ADGRL3: variants seen among roughly 807,000 people sequenced by gnomAD.
The protein encoded by ADGRL3 is adhesion G protein-coupled receptor L3, also known as calcium-independent alpha-latrotoxin receptor 3.
A neutral mutation model predicts 153.5 loss-of-function variants in ADGRL3; 62 were observed. The ratio of observed to expected loss-of-function variants is 0.40; its 90% CI spans 0.33 to 0.50. The LOEUF is 0.50. ADGRL3 is among the 20% of genes least tolerant of loss of function. The probability of loss-of-function intolerance (pLI) is 0.47; values close to 1 mark genes in which losing one functional copy is unlikely to be tolerated. For missense variants in ADGRL3, 1,641 were observed against 1,859.4 expected (o/e 0.88, Z 2.16); for synonymous variants, 710 against 672.5 (o/e 1.06, Z -0.86).
intron 3 of ADGRL3, among the ~76,000 whole-genome samples, chr4:61,503,674 C>A (rs990381888): frequency 1.3e-5 from 2 of 151,722 alleles, no homozygotes; most frequent in African/African-American, 4.8e-5. Flanking sequence ...CTAAGAATAG[C>A]TTTTAAATTT....
chr4:61,756,983 G>A (rs914439508), intron 8 of ADGRL3, among the ~76,000 whole-genome samples: 1 of 152,190 alleles, frequency 6.6e-6, no homozygotes, highest in Admixed American at 6.5e-5. Context: ...CTTGATCATG[G>A]TGGATAAGCT....
chr4:61,799,205 A>G (rs2097457843), intron 8 of ADGRL3, among the ~76,000 whole-genome samples: 1 of 151,612 alleles, frequency 6.6e-6, no homozygotes, highest in Admixed American at 6.6e-5. Context: ...TTTAGTAGCA[A>G]GAATGATAAC....
At chr4:61,333,313 A>C (rs1011440789) in intron 1 of ADGRL3, among the ~76,000 whole-genome samples, 1 of 152,192 alleles carries the variant, frequency 6.6e-6, no homozygotes, top group South Asian at 2.1e-4. Context: ...ACATTATTGG[A>C]ACTCTGGAAT....
At chr4:61,703,789 G>T (rs1262101490) in intron 6 of ADGRL3, among the ~76,000 whole-genome samples, 2 of 151,780 alleles carry the variant, frequency 1.3e-5, no homozygotes, top group Non-Finnish European at 2.9e-5. Flanking sequence ...TCTCCAGCAG[G>T]CTATATGATA....
At chr4:61,500,386 A>G (rs1183627698) in intron 3 of ADGRL3, among the ~76,000 whole-genome samples, 1 of 152,160 alleles carries the variant, frequency 6.6e-6, no homozygotes, top group Non-Finnish European at 1.5e-5. Context: ...GAAGGGCTTT[A>G]TAAGCAGCCT....
chr4:61,344,160 C>T (rs1004139959), intron 1 of ADGRL3, among the ~76,000 whole-genome samples: 1 of 152,252 alleles, frequency 6.6e-6, no homozygotes, highest in Admixed American at 6.5e-5. Context: ...TTATTAAGTA[C>T]GGTGTGGCAA....
chr4:61,789,220 T>A (rs2122643), intron 8 of ADGRL3, among the ~76,000 whole-genome samples: 84,878 of 152,006 alleles, frequency 0.56, 25,944 homozygotes, highest in African/African-American at 0.81. Flanking sequence ...TACCAAATTT[T>A]TGTTTTCTTG....
At chr4:61,414,009 T>TGTCATAATGA (rs2097118063) in intron 2 of ADGRL3, among the ~76,000 whole-genome samples, 1 of 152,248 alleles carries the variant, frequency 6.6e-6, no homozygotes, top group Non-Finnish European at 1.5e-5. Context: ...GTATAATTTT[T>TGTCATAATGA]CTATAGTCAT....
chr4:61,484,076 A>T (rs1174355537), intron 2 of ADGRL3, among the ~76,000 whole-genome samples: 2 of 151,840 alleles, frequency 1.3e-5, no homozygotes, highest in Non-Finnish European at 2.9e-5. Context: ...TCACTTGGAA[A>T]TTCTCCCCTC....
At chr4:61,991,059 T>C (rs1169580550) in intron 19 of ADGRL3, among the ~76,000 whole-genome samples, 1 of 151,812 alleles carries the variant, frequency 6.6e-6, no homozygotes, top group East Asian at 1.9e-4. Flanking sequence ...TATGTATATA[T>C]GTAAAATATA....
At position 61,764,703 on chromosome 4, in the gene ADGRL3, C is replaced by A. The variant is rs964497628; in HGVS notation, c.1399+31149C>A. 5.9e-5 allele frequency among the ~76,000 whole-genome samples: 9 copies of A among 152,176 alleles called. No individual in the cohort carries two copies. The Middle Eastern group carries it at 0.01, about 173-fold the overall frequency. On this transcript the variant is annotated intron_variant, in intron 8 of 26. Coordinates refer to ENST00000683033, the MANE Select transcript of ADGRL3 (RefSeq NM_001387552.1). ...GCTTGGGCCCAGAGGCCTGACATTC[C>A]TGCCTTCTTAATAAGAAAAATAAAA...
intron 15 of ADGRL3, among the ~76,000 whole-genome samples, chr4:61,937,914 GTGTTT>G (rs776322615): frequency 1.3e-3 from 204 of 152,226 alleles, no homozygotes; most frequent in African/African-American, 4.6e-3. Context: ...GTTTTTCTGT[GTGTTT>G]TGTTTTGTTT....
chr4:61,448,875 A>AAGGAAGGAAGAAGGGAGAGAGGG (rs1553932440), intron 2 of ADGRL3, among the ~76,000 whole-genome samples: 7 of 39,654 alleles, frequency 1.8e-4, no homozygotes, highest in South Asian at 1.1e-3. Context: ...GGAAGGAAGG[A>AAGGAAGGAAGAAGGGAGAGAGGG]AAGGAAGGAA....
Position 61,499,987 on chromosome 4 carries a change from GACAC to G in ADGRL3, c.55+2663_55+2666del, listed in dbSNP as rs34740052. Reference sequence around the variant, plus strand: ...TCTGCATTGAAATCACACACACACAGACACACACACACACACACACACACACATA... The same window carrying G: ...TCTGCATTGAAATCACACACACACAGACACACACACACACACACACACATA... On this transcript the variant is annotated intron_variant, in intron 3 of 26. Transcript: ENST00000683033. Among the ~76,000 whole-genome samples, 294 of 138,464 alleles carry G rather than the reference GACAC, an allele frequency of 2.1e-3. 1 individual carries two copies. Among genetic ancestry groups the G allele is most frequent in the South Asian group, 0.018 (76 of 4,278 alleles). The allele number at this position is 138,464 out of a possible 152,430, so 90.8% of individuals were successfully genotyped here. A position where few individuals can be genotyped will look rare whatever the true frequency, so the allele number is the denominator to read the frequency against.
chr4:61,497,661 G>A (rs966003661), intron 3 of ADGRL3, among the ~76,000 whole-genome samples: 44 of 148,156 alleles, frequency 3.0e-4, no homozygotes, highest in Non-Finnish European at 5.8e-4. Flanking sequence ...GACTACAGGC[G>A]CCCACCACCA....
In ADGRL3 at chr4:61,376,719, C is replaced by G. The variant is rs188144076; in HGVS notation, c.-239-6405C>G. 1.2e-4 allele frequency among the ~76,000 whole-genome samples: 19 copies of G among 152,282 alleles called. 1 individual carries two copies. The highest frequency in any genetic ancestry group is 4.3e-4 in the African/African-American group (18 of 41,574). Reference sequence around the variant, plus strand: ...AAGAAGCTTCTTATTTTCCTGTCTACAGCAGAATGCTAGAACTCTTCCTGA... The same window carrying G: ...AAGAAGCTTCTTATTTTCCTGTCTAGAGCAGAATGCTAGAACTCTTCCTGA... On this transcript the variant is annotated intron_variant, in intron 1 of 26. Coordinates refer to ENST00000683033, the MANE Select transcript of ADGRL3 (RefSeq NM_001387552.1).
At chr4:61,927,019 C>G (rs1212618093) in intron 13 of ADGRL3, among the ~76,000 whole-genome samples, 2 of 152,150 alleles carry the variant, frequency 1.3e-5, no homozygotes, top group African/African-American at 4.8e-5. Flanking sequence ...TGGAGCTTTT[C>G]CAATACAGAG....
intron 17 of ADGRL3, among the ~76,000 whole-genome samples, chr4:61,974,054 A>C (rs954482890): frequency 6.6e-6 from 1 of 151,676 alleles, no homozygotes; most frequent in Non-Finnish European, 1.5e-5. Flanking sequence ...TGCAACCTCC[A>C]CCTCCCGGGC....
At chr4:61,916,499 T>C (rs1470665002) in intron 13 of ADGRL3, among the ~76,000 whole-genome samples, 3 of 152,066 alleles carry the variant, frequency 2.0e-5, no homozygotes, top group Non-Finnish European at 4.4e-5. Context: ...TTTTAAGTTT[T>C]ATACTAGAGA....
Sources: gnomAD v4.1 joint callset for allele counts (sites outside exome capture counted in the v4.1 genomes callset) on GRCh38, gnomAD v4.1.1 for gene constraint, MANE v1.5 for transcripts, NCBI Gene and HGNC (gene_info 2026-07-23, HGNC 2026-07-21) for gene names.